The following AMPH variants were observed in gnomAD, a reference collection of about 807,000 sequenced individuals.
AMPH encodes amphiphysin.
In AMPH, 49 loss-of-function variants were observed where a neutral mutation model predicts 99.1. The ratio of observed to expected loss-of-function variants is 0.49; its 90% CI spans 0.39 to 0.63. AMPH has a LOEUF of 0.63. Among genes scored for constraint, AMPH ranks in the 20% least tolerant of loss-of-function variants. The pLI, the probability that AMPH is intolerant of heterozygous loss-of-function variation, is 0.00. For synonymous variants in AMPH, 314 were observed against 317.3 expected (o/e 0.99, Z 0.11); for missense variants, 759 against 863.4 (o/e 0.88, Z 1.52).
intron 20 of AMPH, among the ~76,000 whole-genome samples, chr7:38,387,304 C>T (rs1784375126): frequency 6.6e-6 from 1 of 152,230 alleles, no homozygotes; most frequent in Middle Eastern, 3.4e-3. Flanking sequence ...GAAATATGCC[C>T]TGAGATGGCC....
chr7:38,445,064 T>C, intron 11 of AMPH, among the ~76,000 whole-genome samples: 1 of 144,696 alleles, frequency 6.9e-6, no homozygotes, highest in East Asian at 2.3e-4. Context: ...GGTATATACA[T>C]ATATATATAC....
chr7:38,566,684 G>C (rs577571480), intron 1 of AMPH, among the ~76,000 whole-genome samples: 89 of 152,078 alleles, frequency 5.9e-4, no homozygotes, highest in African/African-American at 2.0e-3. Context: ...CTACAAAGAA[G>C]TTAAACAAAT....
chr7:38,433,496 C>A (rs893144677), intron 12 of AMPH, among the ~76,000 whole-genome samples: 2 of 151,734 alleles, frequency 1.3e-5, no homozygotes, highest in South Asian at 4.2e-4. Context: ...GAGGCCGAGG[C>A]GGGCGGATCA....
rs1446025850 is a variant in AMPH at position 38,417,905 on chromosome 7, G to C, written c.1318C>G (p.Pro440Ala). 3.0e-5 allele frequency: 48 copies of C among 1,614,032 alleles called. No homozygotes were observed. Among genetic ancestry groups the C allele is most frequent in the Non-Finnish European group, 3.9e-5 (46 of 1,179,990 alleles). ...APPTEPKAEE[P>A]LAAVTPAVGL... is the part of the protein sequence containing the mutation. ...ACGGCAGGTGTGACAGCAGCCAGAG[G>C]CTCCTCTGCTTTTGGCTCTGTGGGT... The change falls in exon 17 of 21, where the codon CCT becomes GCT. Residue 440 changes from proline to alanine, a missense_variant. By Grantham distance (27) the Pro-to-Ala change is conservative. Coordinates refer to ENST00000356264, the MANE Select transcript of AMPH (RefSeq NM_001635.4).
chr7:38,464,538 T>A (rs1787577404), intron 9 of AMPH, among the ~76,000 whole-genome samples: 1 of 152,216 alleles, frequency 6.6e-6, no homozygotes, highest in Admixed American at 6.5e-5. Flanking sequence ...AGAAGTTGGT[T>A]CATGTGTATG....
chr7:38,550,226 C>G (rs1186177652), intron 1 of AMPH, among the ~76,000 whole-genome samples: 1 of 152,224 alleles, frequency 6.6e-6, no homozygotes, highest in African/African-American at 2.4e-5. Context: ...GGTCCTCACA[C>G]CAGCATCAGC....
chr7:38,543,838 T>A (rs1447442170), intron 1 of AMPH, among the ~76,000 whole-genome samples: 1 of 152,162 alleles, frequency 6.6e-6, no homozygotes, highest in African/African-American at 2.4e-5. Flanking sequence ...CGATTCTGTT[T>A]GAAAAATACC....
chr7:38,453,896 T>C (rs1305290626), intron 11 of AMPH, among the ~76,000 whole-genome samples: 1 of 152,224 alleles, frequency 6.6e-6, no homozygotes, highest in Non-Finnish European at 1.5e-5. Flanking sequence ...ACAAAGAGAA[T>C]GAAGCTGGGC....
Position 38,463,240 on chromosome 7 carries a change from C to T in AMPH, c.750-127G>A, listed in dbSNP as rs745733023. 34 of 1,300,014 alleles carry T rather than the reference C, an allele frequency of 2.6e-5. No individual in the cohort carries two copies. In the Middle Eastern group the frequency reaches 5.5e-4, roughly 21 times the overall value. The allele number at this position is 1,300,014 out of a possible 1,614,324, so 80.5% of individuals were successfully genotyped here. On this transcript the variant is annotated intron_variant, in intron 9 of 20. Coordinates refer to ENST00000356264, the MANE Select transcript of AMPH (RefSeq NM_001635.4). ...TGTCTGTTGTCCTGCTCTCCCCTTC[C>T]AGGTTAATTCTGGTTAATTGCAACA...
intron 1 of AMPH, among the ~76,000 whole-genome samples, chr7:38,617,242 T>C (rs1793905586): frequency 6.6e-6 from 1 of 152,220 alleles, no homozygotes; most frequent in Non-Finnish European, 1.5e-5. Context: ...TCATCTAATG[T>C]ACGTTGGAAA....
At chr7:38,560,329 C>A (rs1194110363) in intron 1 of AMPH, among the ~76,000 whole-genome samples, 1 of 152,170 alleles carries the variant, frequency 6.6e-6, no homozygotes, top group Non-Finnish European at 1.5e-5. Context: ...CCGCCCCAGC[C>A]AATAGCGAAT....
rs116076949 is a variant in AMPH at position 38,608,248 on chromosome 7, C to T, written c.69+23035G>A. Among the ~76,000 whole-genome samples, 448 of 152,298 alleles carry T rather than the reference C, an allele frequency of 2.9e-3. 2 individuals carry two copies. The highest frequency in any genetic ancestry group is 0.01 in the African/African-American group (416 of 41,570). ...ATTCAGGATTGTGAGTATCTGAGCA[C>T]GGCTCCCGGTCAGCTTTCCCAGGTG... is the stretch of plus-strand genomic sequence containing the variant. On this transcript the variant is annotated intron_variant, in intron 1 of 20. Transcript: ENST00000356264.
intron 1 of AMPH, among the ~76,000 whole-genome samples, chr7:38,576,240 A>G (rs1324010468): frequency 6.6e-6 from 1 of 152,226 alleles, no homozygotes; most frequent in African/African-American, 2.4e-5. Flanking sequence ...CTAATTAAAA[A>G]ACAAATAAAT....
intron 7 of AMPH, among the ~76,000 whole-genome samples, chr7:38,467,638 A>ATGTGTG (rs1039627542): frequency 0.023 from 890 of 38,428 alleles, 17 homozygotes; most frequent in African/African-American, 0.1. Context: ...TACAATGGAA[A>ATGTGTG]TATGTGTGTG....
intron 1 of AMPH, among the ~76,000 whole-genome samples, chr7:38,598,356 G>A (rs151072063): frequency 1.4e-3 from 211 of 152,116 alleles, no homozygotes; most frequent in African/African-American, 4.5e-3. Context: ...TGATCTCAGC[G>A]CAGTGGCATG....
At chr7:38,531,173 A>T (rs1356118887) in intron 2 of AMPH, 1 of 152,222 alleles carries the variant, frequency 6.6e-6, no homozygotes, top group African/African-American at 2.4e-5. Flanking sequence ...CTACTTAGGC[A>T]ACCTCGTGGT....
chr7:38,471,699 C>T (rs1329214770), intron 7 of AMPH, among the ~76,000 whole-genome samples: 3 of 152,116 alleles, frequency 2.0e-5, no homozygotes, highest in African/African-American at 7.2e-5. Flanking sequence ...GGATAAAACA[C>T]ACACCATGTG....
chr7:38,573,539 C>T (rs937923800), intron 1 of AMPH, among the ~76,000 whole-genome samples: 2 of 152,126 alleles, frequency 1.3e-5, no homozygotes, highest in Non-Finnish European at 2.9e-5. Context: ...CATGTTGTAA[C>T]TATTGTGTGT....
In AMPH at chr7:38,384,936, A is replaced by G; in HGVS notation, c.1981-11T>C. The G allele has an allele frequency of 6.2e-7, 1 of 1,611,944 alleles. No homozygotes were observed. Among genetic ancestry groups the G allele is most frequent in the East Asian group, 2.2e-5 (1 of 44,802 alleles). ...CAGCCAGCCTGCATCCTGAAAAACA[A>G]TGACAGAACTTTCAGGGTCCAGCAA... On this transcript the variant is annotated splice_polypyrimidine_tract_variant and intron_variant, in intron 20 of 20. Transcript: ENST00000356264.
Sources: gnomAD v4.1 joint callset for allele counts (sites outside exome capture counted in the v4.1 genomes callset) on GRCh38, gnomAD v4.1.1 for gene constraint, MANE v1.5 for transcripts, NCBI Gene and HGNC (gene_info 2026-07-23, HGNC 2026-07-21) for gene names.